Variants in DLG2 observed in about 807,000 individuals in gnomAD.
The protein encoded by DLG2 is disks large homolog 2.
A neutral mutation model predicts 132.5 loss-of-function variants in DLG2; 45 were observed. That is an observed-to-expected ratio of 0.34 (90% CI 0.27 to 0.44). The LOEUF (loss-of-function observed/expected upper bound fraction) is 0.44, where lower values mean the gene tolerates loss of function less well. Among genes scored for constraint, DLG2 ranks in the 20% least tolerant of loss-of-function variants. The pLI, the probability that DLG2 is intolerant of heterozygous loss-of-function variation, is 1.00. For missense variants in DLG2, 1,045 were observed against 1,196.9 expected, an observed-to-expected ratio of 0.87 and a Z score of 1.87; for synonymous variants, 424 against 419.6, an observed-to-expected ratio of 1.01 and a Z score of -0.13.
chr11:84,625,535 A>G (rs1379073212), intron 6 of DLG2, among the ~76,000 whole-genome samples: 1 of 152,354 alleles, frequency 6.6e-6, no homozygotes, highest in Admixed American at 6.5e-5. Context: ...AGGTACTCTG[A>G]GAACACAATC....
At chr11:84,337,213 T>C (rs891480220) in intron 7 of DLG2, among the ~76,000 whole-genome samples, 7 of 152,258 alleles carry the variant, frequency 4.6e-5, no homozygotes, top group Admixed American at 4.6e-4. Context: ...TGTGAGGTCA[T>C]ACATATGAGG....
At chr11:84,425,877 G>A (rs2098964781) in intron 7 of DLG2, among the ~76,000 whole-genome samples, 1 of 152,114 alleles carries the variant, frequency 6.6e-6, no homozygotes, top group Non-Finnish European at 1.5e-5. Flanking sequence ...TCAATTCACA[G>A]CAGGAACATT....
intron 9 of DLG2, among the ~76,000 whole-genome samples, chr11:84,103,562 A>G (rs1294155170): frequency 1.3e-5 from 2 of 152,160 alleles, no homozygotes. Flanking sequence ...GGAAGATTCC[A>G]TGACAGATGA....
At chr11:84,598,146 C>T (rs1453963046) in intron 6 of DLG2, among the ~76,000 whole-genome samples, 1 of 152,176 alleles carries the variant, frequency 6.6e-6, no homozygotes, top group Non-Finnish European at 1.5e-5. Context: ...GTGTTTTGCA[C>T]TGGGCCTCAC....
intron 16 of DLG2, among the ~76,000 whole-genome samples, chr11:83,860,442 T>C (rs1320857099): frequency 6.6e-6 from 1 of 152,204 alleles, no homozygotes; most frequent in Admixed American, 6.5e-5. Flanking sequence ...AAGATTTGAC[T>C]GCCACGCTGG....
chr11:84,551,600 GGAGA>G (rs1173602985), intron 6 of DLG2, among the ~76,000 whole-genome samples: 3 of 152,082 alleles, frequency 2.0e-5, no homozygotes, highest in African/African-American at 7.2e-5. Context: ...GAAAATACAG[GGAGA>G]AAGAAATTAA....
chr11:83,958,901 C>A (rs2087667113), intron 14 of DLG2, among the ~76,000 whole-genome samples: 1 of 152,112 alleles, frequency 6.6e-6, no homozygotes. Flanking sequence ...GGAAAGCCAA[C>A]AAATCACTCT....
intron 18 of DLG2, among the ~76,000 whole-genome samples, chr11:83,747,450 A>C (rs2153730152): frequency 6.6e-6 from 1 of 152,030 alleles, no homozygotes; most frequent in African/African-American, 2.4e-5. Flanking sequence ...GGCTCACTGC[A>C]ACCGCCTCCC....
chr11:84,764,687 T>C (rs544840584), intron 6 of DLG2, among the ~76,000 whole-genome samples: 2 of 152,218 alleles, frequency 1.3e-5, no homozygotes, highest in South Asian at 4.2e-4. Flanking sequence ...TATATATGCA[T>C]ATATGGCATG....
intron 7 of DLG2, among the ~76,000 whole-genome samples, chr11:84,411,042 C>A (rs1264789701): frequency 2.0e-5 from 3 of 152,188 alleles, no homozygotes; most frequent in Non-Finnish European, 1.5e-5. Flanking sequence ...ACATACCCTG[C>A]TCCATACATC....
chr11:84,747,433 A>T (rs1238701793), intron 6 of DLG2, among the ~76,000 whole-genome samples: 1 of 152,214 alleles, frequency 6.6e-6, no homozygotes. Flanking sequence ...AGGCAGAAAA[A>T]AAAGCATGGG....
chr11:84,778,151 C>T (rs189172785), intron 6 of DLG2, among the ~76,000 whole-genome samples: 2 of 152,204 alleles, frequency 1.3e-5, no homozygotes, highest in East Asian at 3.9e-4. Context: ...GATATGGATC[C>T]AATTTCATTC....
chr11:84,720,836 C>A (rs2061745106), intron 6 of DLG2: 1 of 151,468 alleles, frequency 6.6e-6, no homozygotes, highest in African/African-American at 2.4e-5. Flanking sequence ...ATTATTCCCT[C>A]TGAAGAAGAA....
At chr11:85,504,197 G>A (rs1266816591) in intron 3 of DLG2, among the ~76,000 whole-genome samples, 1 of 152,076 alleles carries the variant, frequency 6.6e-6, no homozygotes, top group Admixed American at 6.5e-5. Context: ...CTTTTGCTGT[G>A]CAGAAGCTCT....
intron 3 of DLG2, among the ~76,000 whole-genome samples, chr11:85,409,374 G>A (rs1355432876): frequency 6.6e-6 from 1 of 151,868 alleles, no homozygotes; most frequent in Non-Finnish European, 1.5e-5. Context: ...TTGGCAAGGT[G>A]ACCTTGAGCA....
intron 9 of DLG2, among the ~76,000 whole-genome samples, chr11:84,116,800 A>G (rs10751104): frequency 0.74 from 112,233 of 152,118 alleles, 42,947 homozygotes; most frequent in Middle Eastern, 0.88. Flanking sequence ...AAATGTCAGT[A>G]TATTTTAAGT....
chr11:85,317,163 G>C (rs1460802999), intron 3 of DLG2, among the ~76,000 whole-genome samples: 1 of 151,970 alleles, frequency 6.6e-6, no homozygotes, highest in East Asian at 1.9e-4. Flanking sequence ...AACATAATTT[G>C]TTTGAGGATC....
chr11:83,738,976 T>G (rs1593382499), intron 18 of DLG2, among the ~76,000 whole-genome samples: 1 of 124,024 alleles, frequency 8.1e-6, no homozygotes, highest in African/African-American at 3.8e-5. Flanking sequence ...CAGAGCTCAG[T>G]TAAGTGTGCA....
At chr11:85,412,725 T>TCACACACACACACACA (rs542505541) in intron 3 of DLG2, among the ~76,000 whole-genome samples, 90 of 92,210 alleles carry the variant, frequency 9.8e-4, no homozygotes, top group Non-Finnish European at 1.3e-3. Context: ...GAGCAGTATT[T>TCACACACACACACACA]CACACACACA....
Sources: gnomAD v4.1 joint callset for allele counts (sites outside exome capture counted in the v4.1 genomes callset) on GRCh38, gnomAD v4.1.1 for gene constraint, MANE v1.5 for transcripts, NCBI Gene and HGNC (gene_info 2026-07-23, HGNC 2026-07-21) for gene names.